Variants in KAZN observed in about 807,000 individuals in gnomAD.
KAZN encodes the protein kazrin, periplakin interacting protein.
Under a neutral mutation model 87.4 loss-of-function variants are expected in KAZN, and 40 were observed. The observed-to-expected ratio is 0.46, with a 90% confidence interval of 0.36 to 0.60. The LOEUF (loss-of-function observed/expected upper bound fraction) is 0.60, where lower values mean the gene tolerates loss of function less well. Ranked by LOEUF, KAZN falls within the 20% of genes least tolerant of loss-of-function variation. The pLI is 0.00. For synonymous variants in KAZN, 466 were observed against 458.3 expected (o/e 1.02, Z -0.22); for missense variants, 898 against 1,073.9 (o/e 0.84, Z 2.29).
intron 1 of KAZN, among the ~76,000 whole-genome samples, chr1:14,706,014 G>T (rs1024400159): frequency 1.3e-5 from 2 of 152,062 alleles, no homozygotes; most frequent in Admixed American, 1.3e-4. Flanking sequence ...ATTACCACCT[G>T]AGCTCCGCCT....
At chr1:14,086,035 A>G (rs938554473) in intron 1 of KAZN, among the ~76,000 whole-genome samples, 3 of 152,128 alleles carry the variant, frequency 2.0e-5, no homozygotes, top group Non-Finnish European at 1.5e-5. Flanking sequence ...CTTATTTGCC[A>G]TCCTCTTAAA....
chr1:14,626,281 G>A (rs747778893), intron 1 of KAZN, among the ~76,000 whole-genome samples: 2 of 152,200 alleles, frequency 1.3e-5, no homozygotes, highest in Non-Finnish European at 2.9e-5. Flanking sequence ...TCTGACATAT[G>A]CACTAAGTGC....
At chr1:14,402,392 G>C (rs1663491566) in intron 2 of KAZN, among the ~76,000 whole-genome samples, 1 of 152,050 alleles carries the variant, frequency 6.6e-6, no homozygotes, top group Non-Finnish European at 1.5e-5. Context: ...CTCATGGAAA[G>C]TTTATGATCT....
chr1:14,532,594 T>C (rs1672268560), intron 2 of KAZN, among the ~76,000 whole-genome samples: 1 of 148,972 alleles, frequency 6.7e-6, no homozygotes, highest in African/African-American at 2.5e-5. Context: ...GCATTAGGTA[T>C]ATCTCCTAAT....
chr1:14,193,064 G>A (rs1557550340), intron 2 of KAZN, among the ~76,000 whole-genome samples: 1 of 152,136 alleles, frequency 6.6e-6, no homozygotes, highest in South Asian at 2.1e-4. Context: ...ATGATAATGA[G>A]CGAGTTCTCA....
chr1:15,114,444 C>T lies in KAZN; in HGVS notation c.2164-27C>T, dbSNP rs752235816. The T allele has an allele frequency of 1.9e-6, 3 of 1,573,160 alleles. No homozygotes were observed. The East Asian group carries it at 6.8e-5, about 36-fold the overall frequency. ...TAATTCTTGTTTCTCTTCTTCCTGTCCTTTGATCATATTCTTCTCTTCTCA... is the reference window on the plus strand; with the variant it reads ...TAATTCTTGTTTCTCTTCTTCCTGTTCTTTGATCATATTCTTCTCTTCTCA... On this transcript the variant is annotated intron_variant, in intron 14 of 14. Transcript: ENST00000376030.
chr1:14,065,735 G>A (rs929096900), intron 1 of KAZN, among the ~76,000 whole-genome samples: 6 of 152,108 alleles, frequency 3.9e-5, no homozygotes, highest in Admixed American at 3.3e-4. Flanking sequence ...TTTCCTCTCC[G>A]TGTGCATCTT....
At chr1:15,034,718 C>A (rs761805438) in intron 2 of KAZN, 31 bp from the exon 3 acceptor site, 1 of 1,613,316 alleles carries the variant, frequency 6.2e-7, no homozygotes, top group East Asian at 2.2e-5. Flanking sequence ...CAGCTGGGGT[C>A]TTGGGAACTA....
intron 2 of KAZN, among the ~76,000 whole-genome samples, chr1:14,269,879 A>G (rs1651784627): frequency 6.6e-6 from 1 of 152,204 alleles, no homozygotes. Context: ...TAGTTTATCC[A>G]GTGTTCATAG....
intron 1 of KAZN, among the ~76,000 whole-genome samples, chr1:13,934,858 A>G (rs775217102): frequency 2.0e-5 from 3 of 152,150 alleles, no homozygotes; most frequent in Non-Finnish European, 4.4e-5. Flanking sequence ...TTACTCATCA[A>G]TCTAATCAAT....
intron 2 of KAZN, among the ~76,000 whole-genome samples, chr1:14,271,223 T>G (rs1268196667): frequency 6.6e-6 from 1 of 152,226 alleles, no homozygotes; most frequent in Non-Finnish European, 1.5e-5. Context: ...CCTCATGACC[T>G]CATTTTACCT....
chr1:14,594,806 A>T (rs1276233591), upstream of KAZN, among the ~76,000 whole-genome samples: 1 of 152,136 alleles, frequency 6.6e-6, no homozygotes, highest in Non-Finnish European at 1.5e-5. Flanking sequence ...TAGACAGGCA[A>T]ATGGGCTTGC....
intron 2 of KAZN, among the ~76,000 whole-genome samples, chr1:14,402,290 C>G (rs1185731142): frequency 6.6e-6 from 1 of 151,150 alleles, no homozygotes; most frequent in Non-Finnish European, 1.5e-5. Flanking sequence ...TTCCTAATAG[C>G]AACAAATTTA....
chr1:15,037,553 A>G (rs1672462093), intron 3 of KAZN, among the ~76,000 whole-genome samples: 1 of 152,206 alleles, frequency 6.6e-6, no homozygotes, highest in Non-Finnish European at 1.5e-5. Context: ...GGGCATGGAA[A>G]GCAAGGGGGG....
At chr1:14,407,636 A>G (rs1557697070) in intron 2 of KAZN, among the ~76,000 whole-genome samples, 1 of 152,146 alleles carries the variant, frequency 6.6e-6, no homozygotes, top group Non-Finnish European at 1.5e-5. Flanking sequence ...ATCTCTCTAC[A>G]CTCATGTTAT....
intron 1 of KAZN, among the ~76,000 whole-genome samples, chr1:14,854,067 T>G (rs771481877): frequency 6.6e-6 from 1 of 152,196 alleles, no homozygotes; most frequent in South Asian, 2.1e-4. Flanking sequence ...CAAGCCCACC[T>G]GGAGGGCCAT....
intron 2 of KAZN, among the ~76,000 whole-genome samples, chr1:14,419,519 T>C (rs1431370228): frequency 6.6e-6 from 1 of 152,170 alleles, no homozygotes; most frequent in African/African-American, 2.4e-5. Flanking sequence ...GTTCCCTCTG[T>C]GTGGGGAAGT....
chr1:14,123,893 C>T (rs960671493), intron 1 of KAZN, among the ~76,000 whole-genome samples: 1 of 152,152 alleles, frequency 6.6e-6, no homozygotes, highest in Non-Finnish European at 1.5e-5. Context: ...CTTTTGGGGC[C>T]TTTTCTTCAC....
Position 14,134,641 on chromosome 1 carries a change from G to A in KAZN, c.92-45794G>A, listed in dbSNP as rs559793462. ...AACATCATACAGCTACTAAATAAAG[G>A]TGCACAGTCATGAATTTGTTTTCAA... On this transcript the variant is annotated intron_variant, in intron 1 of 16. Coordinates refer to the KAZN transcript ENST00000636203. Among the ~76,000 whole-genome samples, 77 of 152,188 alleles carry A rather than the reference G, an allele frequency of 5.1e-4. 1 individual carries two copies. Among genetic ancestry groups the A allele is most frequent in the African/African-American group, 1.7e-3 (71 of 41,504 alleles).
Sources: gnomAD v4.1 joint callset for allele counts (sites outside exome capture counted in the v4.1 genomes callset) on GRCh38, gnomAD v4.1.1 for gene constraint, MANE v1.5 for transcripts, NCBI Gene and HGNC (gene_info 2026-07-23, HGNC 2026-07-21) for gene names.